The following UNC13C variants were observed in gnomAD, a reference collection of about 807,000 sequenced individuals.
UNC13C encodes protein unc-13 homolog C.
UNC13C carries 174 observed loss-of-function variants against 245.4 expected under a neutral mutation model. The observed-to-expected ratio is 0.71, with a 90% CI of 0.63 to 0.80. The LOEUF is 0.80. Ranked by LOEUF, UNC13C falls within the 30% of genes least tolerant of loss-of-function variation. The pLI is 0.00. For synonymous variants in UNC13C, 992 were observed against 895.1 expected, an observed-to-expected ratio of 1.11 and a Z score of -1.93; for missense variants, 2,829 against 2,602.9, an observed-to-expected ratio of 1.09 and a Z score of -1.89.
chr15:54,339,633 A>T (rs2038679254), intron 17 of UNC13C, among the ~76,000 whole-genome samples: 2 of 97,290 alleles, frequency 2.1e-5, no homozygotes, highest in Admixed American at 2.4e-4. Flanking sequence ...GTATTCCATT[A>T]TGTGGAGATA....
intron 7 of UNC13C, among the ~76,000 whole-genome samples, chr15:54,249,566 G>A (rs1045159855): frequency 5.3e-5 from 8 of 152,146 alleles, no homozygotes; most frequent in Non-Finnish European, 7.3e-5. Flanking sequence ...TTGGGCCTAG[G>A]AGAACTCAGA....
chr15:54,272,775 A>T lies in UNC13C; in HGVS notation c.3818+7279A>T, dbSNP rs575393979. Among the ~76,000 whole-genome samples the T allele has an allele frequency of 5.7e-4, 87 of 152,340 alleles. 1 individual carries two copies. The South Asian group carries it at 0.017, about 30-fold the overall frequency. On this transcript the variant is annotated intron_variant, in intron 10 of 32. Transcript: ENST00000260323. ...CCAACAGAACAGAATTTACATTATC[A>T]CTGCTTCTCACTAGAATCTAAGGGT...
the UNC13C span, among the ~76,000 whole-genome samples, chr15:53,925,247 A>C: frequency 6.6e-6 from 1 of 152,226 alleles, no homozygotes; most frequent in African/African-American, 2.4e-5. Flanking sequence ...CATAGGGTAG[A>C]TATCCTCCCA....
At chr15:53,882,259 A>G in the UNC13C span, among the ~76,000 whole-genome samples, 5 of 152,350 alleles carry the variant, frequency 3.3e-5, no homozygotes, top group East Asian at 9.6e-4. Flanking sequence ...AAAAGCTTCC[A>G]TTACCTAATG....
intron 14 of UNC13C, among the ~76,000 whole-genome samples, chr15:54,328,531 A>C (rs1353178183): frequency 6.6e-6 from 1 of 152,122 alleles, no homozygotes; most frequent in Non-Finnish European, 1.5e-5. Flanking sequence ...GAGCTTAAGC[A>C]TCATTAGCTT....
At chr15:54,323,830 T>C (rs893146957) in intron 14 of UNC13C, among the ~76,000 whole-genome samples, 9 of 152,056 alleles carry the variant, frequency 5.9e-5, no homozygotes, top group African/African-American at 2.2e-4. Flanking sequence ...CTTCTAATAT[T>C]CCGTCTGTGT....
chr15:54,219,788 T>C (rs1054931286), intron 4 of UNC13C, among the ~76,000 whole-genome samples: 6 of 151,084 alleles, frequency 4.0e-5, no homozygotes, highest in African/African-American at 4.9e-5. Flanking sequence ...GGGCAAAGGA[T>C]ATGAACAGAC....
chr15:54,144,915 A>G (rs1031060151), intron 4 of UNC13C, among the ~76,000 whole-genome samples: 5 of 151,880 alleles, frequency 3.3e-5, no homozygotes, highest in African/African-American at 1.2e-4. Flanking sequence ...ATATATGAAT[A>G]TAGAGAGATA....
At chr15:54,530,577 A>G (rs2141147209) in intron 25 of UNC13C, among the ~76,000 whole-genome samples, 1 of 152,282 alleles carries the variant, frequency 6.6e-6, no homozygotes, top group African/African-American at 2.4e-5. Flanking sequence ...AGAAAAAAAG[A>G]ACAATAAGGG....
intron 17 of UNC13C, among the ~76,000 whole-genome samples, chr15:54,343,667 G>C (rs967008246): frequency 2.0e-5 from 3 of 152,108 alleles, no homozygotes; most frequent in African/African-American, 7.2e-5. Flanking sequence ...CTTTGTCAAA[G>C]AAAAAATTAT....
rs748498626 is a variant in UNC13C at position 54,250,430 on chromosome 15, C to G, written c.3434C>G (p.Ala1145Gly). ...CHEKCQDLLN[A>G]DCLQRAAEKS... ...GAAAAGTGTCAGGACCTGCTAAACG[C>G]TGACTGCTTGCAGAGTGAGTACTTG... The change falls in exon 8 of 33, where the codon GCT becomes GGT. Residue 1145 changes from alanine to glycine, a missense_variant. Coordinates refer to ENST00000260323, the MANE Select transcript of UNC13C (RefSeq NM_001080534.3). The G allele has an allele frequency of 1.2e-6, 2 of 1,609,530 alleles. No homozygotes were observed. The highest frequency in any genetic ancestry group is 1.7e-5 in the Admixed American group (1 of 59,484).
chr15:54,054,297 A>G (rs1017311119), intron 2 of UNC13C, among the ~76,000 whole-genome samples: 2 of 152,120 alleles, frequency 1.3e-5, no homozygotes, highest in African/African-American at 2.4e-5. Context: ...CTGTATTAGT[A>G]TCCATCCCAC....
At chr15:54,017,496 G>GTT (rs1895713967) in intron 2 of UNC13C, among the ~76,000 whole-genome samples, 1 of 151,934 alleles carries the variant, frequency 6.6e-6, no homozygotes, top group African/African-American at 2.4e-5. Context: ...GTGTGTGTGT[G>GTT]TGTGTGTGTG....
At chr15:53,894,961 A>C in the UNC13C span, among the ~76,000 whole-genome samples, 1 of 151,356 alleles carries the variant, frequency 6.6e-6, no homozygotes, top group Non-Finnish European at 1.5e-5. Context: ...TTATATTGAT[A>C]ATTATGTTTA....
At chr15:54,590,176 GT>G (rs1377863758) in intron 30 of UNC13C, among the ~76,000 whole-genome samples, 1 of 152,156 alleles carries the variant, frequency 6.6e-6, no homozygotes, top group Non-Finnish European at 1.5e-5. Flanking sequence ...GTACCACTCT[GT>G]TTTGGTGACT....
chr15:54,167,215 A>G (rs2033193067), intron 4 of UNC13C, among the ~76,000 whole-genome samples: 2 of 152,158 alleles, frequency 1.3e-5, no homozygotes, highest in Non-Finnish European at 2.9e-5. Flanking sequence ...ATAGGAAAAG[A>G]GACGGGGCCG....
intron 2 of UNC13C, among the ~76,000 whole-genome samples, chr15:54,133,769 A>G (rs1259514906): frequency 6.6e-6 from 1 of 152,142 alleles, no homozygotes; most frequent in African/African-American, 2.4e-5. Flanking sequence ...TGTATTTACT[A>G]TATCTATCTA....
chr15:54,347,932 G>T (rs1207859700), intron 17 of UNC13C, among the ~76,000 whole-genome samples: 1 of 152,054 alleles, frequency 6.6e-6, no homozygotes, highest in African/African-American at 2.4e-5. Flanking sequence ...TATTATTTGT[G>T]ATACAGTCTT....
chr15:54,595,449 G>T (rs560561109), intron 30 of UNC13C, among the ~76,000 whole-genome samples: 1 of 152,028 alleles, frequency 6.6e-6, no homozygotes, highest in Non-Finnish European at 1.5e-5. Context: ...CCCTGCAGCC[G>T]CCTTCCTTCA....
Sources: allele counts gnomAD v4.1 joint callset (sites outside exome capture counted in the v4.1 genomes callset), GRCh38; gene constraint gnomAD v4.1.1; transcripts MANE v1.5; gene names NCBI Gene and HGNC (gene_info 2026-07-23, HGNC 2026-07-21).